The following ZNF680 variants were observed in gnomAD, a reference collection of about 807,000 sequenced individuals.
ZNF680 encodes the protein zinc finger protein 680.
Under a neutral mutation model 12.1 loss-of-function variants are expected in ZNF680, and 6 were observed. That is an observed-to-expected ratio of 0.49 (90% confidence interval 0.27 to 0.98). The LOEUF is 0.98. Ranked by LOEUF, ZNF680 falls within the 50% of genes least tolerant of loss-of-function variation. The pLI, the probability that ZNF680 is intolerant of heterozygous loss-of-function variation, is 0.12. For missense variants in ZNF680, 561 were observed against 616.3 expected (o/e 0.91, Z 0.95); for synonymous variants, 170 against 199.3 (o/e 0.85, Z 1.24).
chr7:64,539,539 G>A (rs771929783), intron 3 of ZNF680, among the ~76,000 whole-genome samples: 6 of 152,088 alleles, frequency 3.9e-5, no homozygotes, highest in Non-Finnish European at 8.8e-5. Context: ...AAGGGCTGAA[G>A]AGAGGGTAAA....
At chr7:64,500,619 C>G in the ZNF680 span, among the ~76,000 whole-genome samples, 2 of 152,128 alleles carry the variant, frequency 1.3e-5, no homozygotes, top group African/African-American at 4.8e-5. Flanking sequence ...TGATGATTGT[C>G]TGGGGCTGGG....
chr7:64,501,498 G>C, the ZNF680 span: 2 of 816,220 alleles, frequency 2.5e-6, no homozygotes, highest in African/African-American at 3.4e-5. Context: ...ACAAGCAGTA[G>C]AGATGAAGAA....
At chr7:64,548,878 T>C (rs527584727) in intron 1 of ZNF680, among the ~76,000 whole-genome samples, 2 of 152,090 alleles carry the variant, frequency 1.3e-5, no homozygotes, top group Admixed American at 1.3e-4. Context: ...ATCCAAGCGC[T>C]TTGGGAGGCC....
chr7:64,506,980 G>A, the ZNF680 span, among the ~76,000 whole-genome samples: 1 of 152,128 alleles, frequency 6.6e-6, no homozygotes, highest in East Asian at 1.9e-4. Context: ...ATTATATGCT[G>A]AATTACTTTA....
At chr7:64,500,491 A>T in the ZNF680 span, among the ~76,000 whole-genome samples, 1 of 152,234 alleles carries the variant, frequency 6.6e-6, no homozygotes, top group African/African-American at 2.4e-5. Flanking sequence ...TATTTGCAAC[A>T]ACATTGATGA....
At chr7:64,514,253 G>A in the ZNF680 span, among the ~76,000 whole-genome samples, 1 of 151,848 alleles carries the variant, frequency 6.6e-6, no homozygotes, top group African/African-American at 2.4e-5. Context: ...TCTTCTTCAG[G>A]TTATATTTTA....
At position 64,534,750 on chromosome 7, in the gene ZNF680, T is replaced by C. The variant is rs574296611; in HGVS notation, c.253+8957A>G. On this transcript the variant is annotated intron_variant, in intron 3 of 3. Coordinates refer to ENST00000309683, the MANE Select transcript of ZNF680 (RefSeq NM_178558.5). ...AGCACAATTTGCAATTGCAAAATCA[T>C]GGAACCAACCCAAATGCCCATCAAT... Among the ~76,000 whole-genome samples the C allele has an allele frequency of 2.1e-3, 323 of 152,278 alleles. 3 individuals are homozygous for C. The highest frequency in any genetic ancestry group is 7.4e-3 in the African/African-American group (307 of 41,562).
chr7:64,521,567 T>A lies in ZNF680; in HGVS notation c.1187A>T (p.His396Leu), dbSNP rs751208780. The A allele has an allele frequency of 6.2e-7, 1 of 1,613,008 alleles. No homozygotes were observed. The highest frequency in any genetic ancestry group is 1.7e-5 in the Admixed American group (1 of 60,012). Residue 396 changes from histidine to leucine, a missense_variant, in exon 4 of 4, where the codon CAT (histidine) becomes CTT (leucine). Coordinates refer to ENST00000309683, the MANE Select transcript of ZNF680 (RefSeq NM_178558.5). ...AFIQSSNLTEHMRIHTGEKPY... is the reference protein window; with the variant it reads ...AFIQSSNLTELMRIHTGEKPY... ...TTTCTCTCCAGTATGAATTCTCATA[T>A]GTTCAGTAAGGTTTGAGGACTGTAT... is the stretch of plus-strand genomic sequence containing the variant.
chr7:64,501,446 C>A, the ZNF680 span: 1 of 973,460 alleles, frequency 1.0e-6, no homozygotes, highest in Non-Finnish European at 1.6e-6. Context: ...AAGGTGGATT[C>A]ACCCCTGGAA....
chr7:64,559,810 A>G (rs994614655), intron 1 of ZNF680, among the ~76,000 whole-genome samples: 1 of 152,090 alleles, frequency 6.6e-6, no homozygotes, highest in Non-Finnish European at 1.5e-5. Flanking sequence ...GATGCATAAC[A>G]TTTTACATCT....
the ZNF680 span, among the ~76,000 whole-genome samples, chr7:64,504,985 T>C: frequency 2.0e-5 from 3 of 152,250 alleles, no homozygotes; most frequent in Admixed American, 6.5e-5. Flanking sequence ...CAATGTGTTA[T>C]GTAGCATGCA....
intron 3 of ZNF680, among the ~76,000 whole-genome samples, chr7:64,541,716 A>T (rs539326037): frequency 6.6e-6 from 1 of 152,240 alleles, no homozygotes; most frequent in South Asian, 2.1e-4. Flanking sequence ...TCCCACTGAG[A>T]ATTCTGAACT....
rs374491628 is a variant in ZNF680 at position 64,521,127 on chromosome 7, C to A, written c.*34G>T. On this transcript the variant is annotated 3_prime_UTR_variant, in exon 4 of 4. Coordinates refer to ENST00000309683, the MANE Select transcript of ZNF680 (RefSeq NM_178558.5). ...AATTCTTCACATTTTTAGGGTTTCT[C>A]AACAGGATGGTGTCTTTTATGTTTA... The A allele has an allele frequency of 1.3e-4, 197 of 1,554,216 alleles. 3 individuals are homozygous for A. In the African/African-American group the frequency reaches 2.6e-3, roughly 21 times the overall value.
downstream of ZNF680, among the ~76,000 whole-genome samples, chr7:64,516,976 G>A (rs752885512): frequency 6.6e-6 from 1 of 151,998 alleles, no homozygotes; most frequent in Non-Finnish European, 1.5e-5. Context: ...CGTGCTAAGA[G>A]GAAAGTCCAT....
chr7:64,527,726 G>C (rs1022286023), intron 3 of ZNF680, among the ~76,000 whole-genome samples: 13 of 152,102 alleles, frequency 8.5e-5, no homozygotes, highest in Admixed American at 8.5e-4. Flanking sequence ...CCAGGACTTT[G>C]AGAAGCCAAG....
the ZNF680 span, among the ~76,000 whole-genome samples, chr7:64,510,917 A>AT: frequency 4.4e-3 from 87 of 19,812 alleles, 13 homozygotes; most frequent in African/African-American, 0.024. Flanking sequence ...CTCAAAAAAA[A>AT]AAAATAAAAA....
chr7:64,563,066 A>G lies in ZNF680; in HGVS notation c.-112T>C, dbSNP rs1238968630. The G allele has an allele frequency of 5.4e-6, 7 of 1,289,460 alleles. No individual in the cohort carries two copies. The Admixed American group carries it at 9.4e-5, about 17-fold the overall frequency. 79.9% of individuals were successfully genotyped at this position (1,289,460 alleles called of 1,614,324 possible). A position where few individuals can be genotyped will look rare whatever the true frequency, so the allele number is the denominator to read the frequency against. Reference sequence around the variant, plus strand: ...TAGACCTGGAGCTCCCGCAGCAGCTAGAGACAAAGGCCCCGCCAAATCCCG... The same window carrying G: ...TAGACCTGGAGCTCCCGCAGCAGCTGGAGACAAAGGCCCCGCCAAATCCCG... On this transcript the variant is annotated 5_prime_UTR_variant, in exon 1 of 4. Transcript: ENST00000309683.
rs958668020 is a variant in ZNF680 at position 64,522,180 on chromosome 7, A to G, written c.574T>C (p.Cys192Arg). Residue 192 changes from cysteine (C) to arginine (R), a missense_variant, in exon 4 of 4, where the codon TGC (cysteine) becomes CGC (arginine). By Grantham distance (180) the Cys-to-Arg change is radical. Coordinates refer to ENST00000309683, the MANE Select transcript of ZNF680 (RefSeq NM_178558.5). ...FKCKECGKSF[C>R]MLSHLTQHIR... ...TGTTGTGTTAGATGTGAAAGCATGC[A>G]AAATGATTTGCCACATTCTTTACAT... 6.2e-7 allele frequency: 1 copy of G among 1,612,838 alleles called. No homozygotes were observed. Among genetic ancestry groups the G allele is most frequent in the African/African-American group, 1.3e-5 (1 of 74,994 alleles).
chr7:64,501,807 A>T, the ZNF680 span: 1 of 650,690 alleles, frequency 1.5e-6, no homozygotes, highest in Admixed American at 1.9e-5. Flanking sequence ...TTTTTACCAG[A>T]TCTTCTTCTC....
Sources: gnomAD v4.1 joint callset for allele counts (sites outside exome capture counted in the v4.1 genomes callset) on GRCh38, gnomAD v4.1.1 for gene constraint, MANE v1.5 for transcripts, NCBI Gene and HGNC (gene_info 2026-07-23, HGNC 2026-07-21) for gene names.